The following MIGA1 variants were observed in gnomAD, a reference collection of about 807,000 sequenced individuals.
MIGA1 encodes mitoguardin 1, also known as family with sequence similarity 73, member A.
In MIGA1, 58 loss-of-function variants were observed where a neutral mutation model predicts 82.0. That is an observed-to-expected ratio of 0.71 (90% CI 0.57 to 0.88). The LOEUF (loss-of-function observed/expected upper bound fraction) is 0.88. Among genes scored for constraint, MIGA1 ranks in the 40% least tolerant of loss-of-function variants. MIGA1 has a pLI of 0.00. For synonymous variants in MIGA1, 249 were observed against 253.6 expected (o/e 0.98, Z 0.17); for missense variants, 751 against 749.1 (o/e 1.00, Z -0.03).
chr1:77,807,688 A>G (rs988642204), intron 5 of MIGA1, among the ~76,000 whole-genome samples: 1 of 152,130 alleles, frequency 6.6e-6, no homozygotes, highest in Non-Finnish European at 1.5e-5. Context: ...GGCTTAGGGG[A>G]GAATCTTTTC....
chr1:77,805,880 A>G (rs1341034732), intron 4 of MIGA1, among the ~76,000 whole-genome samples: 1 of 152,128 alleles, frequency 6.6e-6, no homozygotes, highest in Non-Finnish European at 1.5e-5. Context: ...CCTCTTCTGA[A>G]TTTCCTCAAT....
At chr1:77,847,524 A>G in intron 8 of MIGA1, 1 of 1,449,706 alleles carries the variant, frequency 6.9e-7, no homozygotes, top group Non-Finnish European at 9.7e-7. Context: ...ACAGAGAGAA[A>G]GAGAAATGGA....
intron 8 of MIGA1, among the ~76,000 whole-genome samples, chr1:77,857,956 A>T (rs1685325997): frequency 6.6e-6 from 1 of 152,122 alleles, no homozygotes; most frequent in African/African-American, 2.4e-5. Context: ...CTTCATTATA[A>T]TCATAGGTTA....
rs1162470296 is a variant in MIGA1 at position 77,810,796 on chromosome 1, C to G, written c.638-2938C>G. 5 of 1,539,794 alleles carry G rather than the reference C, an allele frequency of 3.2e-6. No individual in the cohort carries two copies. In the East Asian group the frequency reaches 1.1e-4, roughly 35 times the overall value. On this transcript the variant is annotated intron_variant, in intron 5 of 15. Coordinates refer to ENST00000370791, the MANE Select transcript of MIGA1 (RefSeq NM_198549.4). ...CCTGTTGAAGGGTGAATATGCTACA[C>G]AGAGCTATGATGGTTTCTACTGAGT...
At chr1:77,838,175 G>A (rs1476452539) in intron 7 of MIGA1, among the ~76,000 whole-genome samples, 1 of 152,036 alleles carries the variant, frequency 6.6e-6, no homozygotes, top group Non-Finnish European at 1.5e-5. Flanking sequence ...AAGCAAAAAA[G>A]TACAATTATT....
chr1:77,854,091 T>A (rs1685158526), intron 8 of MIGA1, among the ~76,000 whole-genome samples: 1 of 152,164 alleles, frequency 6.6e-6, no homozygotes, highest in African/African-American at 2.4e-5. Context: ...TTCTTATGCC[T>A]TTGCGTCCTC....
Position 77,866,370 on chromosome 1 carries a change from AC to A in MIGA1, c.1543del (p.Gln515ArgfsTer6), listed in dbSNP as rs1557937063. The A allele has an allele frequency of 6.2e-7, 1 of 1,614,060 alleles. No homozygotes were observed. The highest frequency in any genetic ancestry group is 1.1e-5 in the South Asian group (1 of 91,076). ...CTTCAAGTTGTTGGTCGGTGCTGAAACAGAAAAGACAACAGATGAAGGTAAA... is the reference window on the plus strand; with the variant it reads ...CTTCAAGTTGTTGGTCGGTGCTGAAAAGAAAAGACAACAGATGAAGGTAAA... On this transcript the variant is annotated frameshift_variant, in exon 14 of 16. Coordinates refer to ENST00000370791, the MANE Select transcript of MIGA1 (RefSeq NM_198549.4). LOFTEE classifies it high-confidence loss of function.
At chr1:77,816,372 A>G (rs1683573869) in intron 7 of MIGA1, among the ~76,000 whole-genome samples, 1 of 152,250 alleles carries the variant, frequency 6.6e-6, no homozygotes, top group Non-Finnish European at 1.5e-5. Flanking sequence ...AAATAATTTA[A>G]GTCTTTTTTA....
intron 14 of MIGA1, among the ~76,000 whole-genome samples, chr1:77,872,058 C>T (rs1646845276): frequency 6.6e-6 from 1 of 152,010 alleles, no homozygotes; most frequent in Non-Finnish European, 1.5e-5. Context: ...CCATCCAATT[C>T]CTGGGCTCAA....
chr1:77,786,807 C>T (rs1682181990), intron 2 of MIGA1, among the ~76,000 whole-genome samples: 1 of 152,246 alleles, frequency 6.6e-6, no homozygotes, highest in East Asian at 1.9e-4. Context: ...ATTTTCCTCT[C>T]TTCTTCTGAG....
At chr1:77,853,850 G>T in intron 8 of MIGA1, 1 of 245,398 alleles carries the variant, frequency 4.1e-6, no homozygotes, top group Non-Finnish European at 8.5e-6. Context: ...GAAAGTTGGA[G>T]ATAAAGTTAC....
At chr1:77,870,510 A>G (rs1334164543) in intron 14 of MIGA1, among the ~76,000 whole-genome samples, 5 of 115,116 alleles carry the variant, frequency 4.3e-5, no homozygotes, top group Admixed American at 8.5e-5. Context: ...GACGCTCCTC[A>G]CTTCCTAGAT....
intron 1 of MIGA1, chr1:77,782,856 T>C: frequency 5.1e-6 from 5 of 984,772 alleles, no homozygotes; most frequent in Non-Finnish European, 6.0e-6. Flanking sequence ...ACCCCCGCAG[T>C]TATATGAAGG....
intron 14 of MIGA1, among the ~76,000 whole-genome samples, chr1:77,867,696 G>A (rs190994355): frequency 9.8e-5 from 15 of 152,314 alleles, no homozygotes; most frequent in Admixed American, 8.5e-4. Context: ...CATTAAGCAA[G>A]TATTGACTGT....
intron 14 of MIGA1, 96 bp downstream of exon 14, chr1:77,866,487 G>A: frequency 9.6e-7 from 1 of 1,046,986 alleles, no homozygotes; most frequent in South Asian, 1.3e-5. Flanking sequence ...ATTGGCAGCT[G>A]TAGGAGGGGT....
Position 77,807,112 on chromosome 1 carries a change from G to C in MIGA1, c.637+11G>C, listed in dbSNP as rs905346300. On this transcript the variant is annotated intron_variant, in intron 5 of 15. Transcript: ENST00000370791. ...ACTTATACTTAATGGGTAGGAATGA[G>C]ATGATAACATTTTAAGATACTGTGC... 2.1e-5 allele frequency: 33 copies of C among 1,557,998 alleles called. No individual in the cohort carries two copies. Among genetic ancestry groups the C allele is most frequent in the Non-Finnish European group, 2.7e-5 (31 of 1,144,708 alleles).
chr1:77,874,203 C>T (rs1193649135), intron 15 of MIGA1, among the ~76,000 whole-genome samples: 3 of 152,040 alleles, frequency 2.0e-5, no homozygotes, highest in Non-Finnish European at 4.4e-5. Flanking sequence ...ATAGCTGAGA[C>T]TTAATACTTA....
chr1:77,843,376 C>T lies in MIGA1; in HGVS notation c.965C>T (p.Ala322Val). The T allele has an allele frequency of 6.2e-7, 1 of 1,614,014 alleles. No homozygotes were observed. Among genetic ancestry groups the T allele is most frequent in the Non-Finnish European group, 8.5e-7 (1 of 1,179,878 alleles). Residue 322 changes from alanine to valine, a missense_variant, in exon 8 of 16, where the codon GCA (alanine) becomes GTA (valine). Coordinates refer to ENST00000370791, the MANE Select transcript of MIGA1 (RefSeq NM_198549.4). ...GGCCTGCGAGACACCTTGAGCATCG[C>T]ATCCACGGATTCCTTTGCTTCCGCA...
chr1:77,845,362 A>G (rs1684797666), intron 8 of MIGA1, among the ~76,000 whole-genome samples: 1 of 152,172 alleles, frequency 6.6e-6, no homozygotes, highest in African/African-American at 2.4e-5. Context: ...AAAAATTGCT[A>G]TTCACTTTGC....
Sources: allele counts gnomAD v4.1 joint callset (sites outside exome capture counted in the v4.1 genomes callset), GRCh38; gene constraint gnomAD v4.1.1; transcripts MANE v1.5; gene names NCBI Gene and HGNC (gene_info 2026-07-23, HGNC 2026-07-21).